The following VWA3B variants were observed in gnomAD, a reference collection of about 807,000 sequenced individuals.
VWA3B encodes the protein von Willebrand factor A domain-containing protein 3B.
In VWA3B, 138 loss-of-function variants were observed where a neutral mutation model predicts 158.3. The observed-to-expected ratio is 0.87, with a 90% confidence interval of 0.76 to 1.00. The LOEUF (loss-of-function observed/expected upper bound fraction) is 1.00, where lower values mean the gene tolerates loss of function less well. Among genes scored for constraint, VWA3B ranks in the 50% least tolerant of loss-of-function variants. VWA3B has a pLI of 0.00. For missense variants in VWA3B, 1,555 were observed against 1,565.1 expected (o/e 0.99, Z 0.11); for synonymous variants, 596 against 587.3 (o/e 1.01, Z -0.21).
At chr2:98,215,022 C>T (rs1284614108) in intron 13 of VWA3B, among the ~76,000 whole-genome samples, 2 of 152,260 alleles carry the variant, frequency 1.3e-5, no homozygotes, top group East Asian at 1.9e-4. Flanking sequence ...ACTTCTGAGG[C>T]TCTGGAATCT....
At chr2:98,128,480 G>T in intron 6 of VWA3B, 72 bp downstream of exon 6, 1 of 1,530,586 alleles carries the variant, frequency 6.5e-7, no homozygotes, top group Non-Finnish European at 8.9e-7. Flanking sequence ...AGTGGGTCTT[G>T]CATTCTTCGT....
intron 8 of VWA3B, among the ~76,000 whole-genome samples, chr2:98,179,786 T>TTTTCTTTCTTTCTTTC (rs202210762): frequency 4.4e-4 from 51 of 116,770 alleles, no homozygotes; most frequent in Middle Eastern, 8.3e-3. Context: ...TTTCTCTTTC[T>TTTTCTTTCTTTCTTTC]TTTCTTTCTT....
intron 22 of VWA3B, among the ~76,000 whole-genome samples, chr2:98,288,698 C>G (rs963442407): frequency 2.6e-5 from 4 of 152,028 alleles, no homozygotes; most frequent in Admixed American, 2.0e-4. Context: ...TAATTTTACT[C>G]TCATCCCTCC....
At chr2:98,231,123 A>G (rs1323842296) in intron 16 of VWA3B, among the ~76,000 whole-genome samples, 2 of 152,250 alleles carry the variant, frequency 1.3e-5, no homozygotes, top group Non-Finnish European at 2.9e-5. Context: ...ATTCTGCTGT[A>G]AGACACTAAA....
At chr2:98,255,266 A>G (rs1208677966) in intron 20 of VWA3B, among the ~76,000 whole-genome samples, 29 of 131,872 alleles carry the variant, frequency 2.2e-4, no homozygotes, top group African/African-American at 8.1e-4. Context: ...TCCTGACCTC[A>G]GGTGATCCGC....
intron 21 of VWA3B, among the ~76,000 whole-genome samples, chr2:98,258,256 G>A (rs901230964): frequency 8.6e-5 from 13 of 151,648 alleles, no homozygotes; most frequent in African/African-American, 3.1e-4. Flanking sequence ...TTTAATTATT[G>A]TAGATTTGTA....
chr2:98,206,666 A>G, intron 12 of VWA3B: 1 of 353,216 alleles, frequency 2.8e-6, no homozygotes, highest in East Asian at 6.6e-5. Context: ...TCCTGAGTTC[A>G]TGGAAATTAG....
chr2:98,303,188 C>G (rs1453523339), intron 25 of VWA3B, among the ~76,000 whole-genome samples: 1 of 151,964 alleles, frequency 6.6e-6, no homozygotes, highest in African/African-American at 2.4e-5. Context: ...GGGGAAGCCG[C>G]AGACCCCAGA....
At chr2:98,118,594 A>C (rs1674708129) in intron 3 of VWA3B, among the ~76,000 whole-genome samples, 1 of 152,134 alleles carries the variant, frequency 6.6e-6, no homozygotes, top group Non-Finnish European at 1.5e-5. Flanking sequence ...GGAGGTAAAG[A>C]AATAGCCAAT....
chr2:98,308,018 G>A (rs1357829443), intron 26 of VWA3B, among the ~76,000 whole-genome samples: 3 of 152,064 alleles, frequency 2.0e-5, no homozygotes, highest in African/African-American at 7.2e-5. Context: ...GGAGGCTGAA[G>A]GGCTCAAAAC....
chr2:98,264,405 C>G (rs557430273), intron 21 of VWA3B, among the ~76,000 whole-genome samples: 1 of 151,982 alleles, frequency 6.6e-6, no homozygotes, highest in East Asian at 1.9e-4. Flanking sequence ...TCATACATTT[C>G]GATATGTTGT....
chr2:98,121,066 A>G (rs1674918895), intron 4 of VWA3B, among the ~76,000 whole-genome samples: 1 of 152,226 alleles, frequency 6.6e-6, no homozygotes, highest in Non-Finnish European at 1.5e-5. Flanking sequence ...TCATGTAAAC[A>G]TTGTTTTTCC....
At chr2:98,315,794 A>G (rs2106037794), downstream of VWA3B, among the ~76,000 whole-genome samples, 1 of 152,380 alleles carries the variant, frequency 6.6e-6, no homozygotes, top group African/African-American at 2.4e-5. Flanking sequence ...ATGATAAAAG[A>G]CAACACCTGA....
At chr2:98,132,869 T>C (rs181476063) in intron 6 of VWA3B, among the ~76,000 whole-genome samples, 1 of 152,322 alleles carries the variant, frequency 6.6e-6, no homozygotes, top group Admixed American at 6.5e-5. Flanking sequence ...CTGAAACCCT[T>C]TGGGAAGAGA....
chr2:98,178,484 C>T (rs1224590436), intron 8 of VWA3B, among the ~76,000 whole-genome samples: 3 of 152,214 alleles, frequency 2.0e-5, no homozygotes, highest in African/African-American at 7.2e-5. Flanking sequence ...GTCTTCCCAT[C>T]TTATCCTAAT....
intron 22 of VWA3B, among the ~76,000 whole-genome samples, chr2:98,288,230 A>G (rs926380916): frequency 1.3e-5 from 2 of 152,158 alleles, no homozygotes; most frequent in African/African-American, 4.8e-5. Context: ...ATTATGTTTT[A>G]AGATTCTGGA....
intron 14 of VWA3B, among the ~76,000 whole-genome samples, chr2:98,225,032 C>G (rs575775437): frequency 6.6e-6 from 1 of 152,300 alleles, no homozygotes; most frequent in Admixed American, 6.5e-5. Context: ...CTCTATGGTT[C>G]AAGCAATTCT....
rs1301373595 is a variant in VWA3B at position 98,246,101 on chromosome 2, C to T, written c.2674-4217C>T. 3.3e-5 allele frequency among the ~76,000 whole-genome samples: 5 copies of T among 151,802 alleles called. No homozygotes were observed. In the East Asian group the frequency reaches 5.8e-4, roughly 18 times the overall value. ...TTTTAGTCTTTGGTGGTTTAATTACCGAATTAAATATATGTAGTTTTTAAA... is the reference window on the plus strand; with the variant it reads ...TTTTAGTCTTTGGTGGTTTAATTACTGAATTAAATATATGTAGTTTTTAAA... On this transcript the variant is annotated intron_variant, in intron 19 of 27. Coordinates refer to ENST00000477737, the MANE Select transcript of VWA3B (RefSeq NM_144992.5).
chr2:98,329,197 A>T, the VWA3B span, among the ~76,000 whole-genome samples: 1 of 152,242 alleles, frequency 6.6e-6, no homozygotes, highest in Non-Finnish European at 1.5e-5. Context: ...GAAATAGATT[A>T]GATCATAGAC....
Sources: allele counts gnomAD v4.1 joint callset (sites outside exome capture counted in the v4.1 genomes callset), GRCh38; gene constraint gnomAD v4.1.1; transcripts MANE v1.5; gene names NCBI Gene and HGNC (gene_info 2026-07-23, HGNC 2026-07-21).